WDFY3: variants seen among roughly 807,000 people sequenced by gnomAD.
WDFY3 encodes the protein WD repeat and FYVE domain containing 3.
WDFY3 carries 66 observed loss-of-function variants against 409.6 expected under a neutral mutation model. The observed-to-expected ratio is 0.16, with a 90% CI of 0.13 to 0.20. WDFY3 has a LOEUF of 0.20. WDFY3 is among the 10% of genes least tolerant of loss of function. The pLI, the probability that WDFY3 is intolerant of heterozygous loss-of-function variation, is 1.00. For synonymous variants in WDFY3, 1,521 were observed against 1,537.1 expected (o/e 0.99, Z 0.25); for missense variants, 3,031 against 4,298.1 (o/e 0.71, Z 8.24).
chr4:84,777,797 T>C (rs888341785), intron 27 of WDFY3, among the ~76,000 whole-genome samples: 9 of 152,074 alleles, frequency 5.9e-5, no homozygotes, highest in Non-Finnish European at 1.3e-4. Flanking sequence ...ATAAAGCCCA[T>C]AGATCCTACA....
chr4:84,719,121 A>G (rs1734432236), intron 47 of WDFY3, among the ~76,000 whole-genome samples: 1 of 152,150 alleles, frequency 6.6e-6, no homozygotes. Flanking sequence ...TAAGTGAGAT[A>G]ATGTACATAA....
intron 3 of WDFY3, among the ~76,000 whole-genome samples, chr4:84,865,845 A>G (rs1314831960): frequency 6.6e-6 from 1 of 152,166 alleles, no homozygotes; most frequent in Non-Finnish European, 1.5e-5. Flanking sequence ...CCAGGCAGGC[A>G]GATCCTTTAA....
rs569888787 is a variant in WDFY3, at chr4:84,762,899, C to T, written c.5188+2911G>A. ...GGCTGAGATGGGAGGACTGCTTGAG[C>T]CCAGGAGCTTAAGTCTAGCCTGGAC... On this transcript the variant is annotated intron_variant, in intron 32 of 67. Transcript: ENST00000295888. 2.3e-3 allele frequency among the ~76,000 whole-genome samples: 348 copies of T among 152,014 alleles called. 2 individuals are homozygous for T. Among genetic ancestry groups the T allele is most frequent in the African/African-American group, 8.2e-3 (340 of 41,462 alleles).
Position 84,780,242 on chromosome 4 carries a change from C to T in WDFY3, c.4231G>A (p.Ala1411Thr). The T allele has an allele frequency of 6.2e-7, 1 of 1,614,060 alleles. No individual in the cohort carries two copies. Among genetic ancestry groups the T allele is most frequent in the Non-Finnish European group, 8.5e-7 (1 of 1,179,956 alleles). ...GCCACCAGGCCCAGGATGGCTGCAG[C>T]TCCACCAACGTACTGCAAAGTAGTG... is the stretch of plus-strand genomic sequence containing the variant. Reference protein sequence around the residue: ...VATTLQYVGGAAAILGLVAMA... With the variant: ...VATTLQYVGGTAAILGLVAMA... The change falls in exon 26 of 68, where the codon GCT becomes ACT. Residue 1411 changes from alanine to threonine, a missense_variant. Coordinates refer to ENST00000295888, the MANE Select transcript of WDFY3 (RefSeq NM_014991.6).
chr4:84,858,508 A>T (rs1760082347), intron 4 of WDFY3, among the ~76,000 whole-genome samples: 1 of 152,210 alleles, frequency 6.6e-6, no homozygotes, highest in South Asian at 2.1e-4. Flanking sequence ...ACTCTAAAAG[A>T]ACTACTGCTT....
chr4:84,802,548 G>A (rs926577757), intron 16 of WDFY3, among the ~76,000 whole-genome samples: 8 of 152,096 alleles, frequency 5.3e-5, no homozygotes, highest in African/African-American at 1.7e-4. Context: ...GATTACAGGC[G>A]TGAGCCACCG....
chr4:84,865,431 A>G (rs1761246624), intron 3 of WDFY3, among the ~76,000 whole-genome samples: 1 of 152,234 alleles, frequency 6.6e-6, no homozygotes, highest in South Asian at 2.1e-4. Context: ...TTGTCCAATT[A>G]GAAACCTGCT....
intron 1 of WDFY3, among the ~76,000 whole-genome samples, chr4:84,946,867 C>T (rs1462319474): frequency 6.6e-6 from 1 of 151,264 alleles, no homozygotes; most frequent in Non-Finnish European, 1.5e-5. Flanking sequence ...AGTGCAGTGG[C>T]GTGATCTCCG....
chr4:84,868,753 C>T (rs1026834452), intron 3 of WDFY3, among the ~76,000 whole-genome samples: 4 of 152,186 alleles, frequency 2.6e-5, no homozygotes, highest in African/African-American at 9.7e-5. Flanking sequence ...ACAGCTCCCA[C>T]CGCTATCTTG....
chr4:84,766,113 T>C, intron 31 of WDFY3, 86 bp from the exon 32 acceptor site: 2 of 1,517,698 alleles, frequency 1.3e-6, no homozygotes, highest in East Asian at 2.3e-5. Flanking sequence ...AAAAGAAGAC[T>C]GAGTTTCATT....
intron 4 of WDFY3, among the ~76,000 whole-genome samples, chr4:84,856,507 T>C (rs1005165855): frequency 3.9e-5 from 6 of 152,188 alleles, no homozygotes; most frequent in African/African-American, 1.4e-4. Flanking sequence ...TATTCAGCTA[T>C]TTTCAGACTT....
At chr4:84,780,721 G>C (rs112945858) in intron 25 of WDFY3, among the ~76,000 whole-genome samples, 1 of 151,856 alleles carries the variant, frequency 6.6e-6, no homozygotes, top group Non-Finnish European at 1.5e-5. Flanking sequence ...CCGAGATCGC[G>C]CCACCGCACT....
chr4:84,958,980 T>A (rs1774578464), intron 1 of WDFY3, among the ~76,000 whole-genome samples: 1 of 152,214 alleles, frequency 6.6e-6, no homozygotes, highest in Non-Finnish European at 1.5e-5. Flanking sequence ...CACTGACAGT[T>A]ATAATAATAT....
rs952685763 is a variant in WDFY3, at chr4:84,749,214, T to C, written c.5973+2269A>G. Reference sequence around the variant, plus strand: ...CTAATTTTCTTCTTGAATCTCTTCATGGATAAAGACTTCATAATCATAATT... The same window carrying C: ...CTAATTTTCTTCTTGAATCTCTTCACGGATAAAGACTTCATAATCATAATT... On this transcript the variant is annotated intron_variant, in intron 36 of 67. Coordinates refer to ENST00000295888, the MANE Select transcript of WDFY3 (RefSeq NM_014991.6). Among the ~76,000 whole-genome samples, 12 of 152,184 alleles carry C rather than the reference T, an allele frequency of 7.9e-5. No individual in the cohort carries two copies. The East Asian group carries it at 1.2e-3, about 15-fold the overall frequency.
intron 8 of WDFY3, among the ~76,000 whole-genome samples, chr4:84,829,424 T>A (rs1755340249): frequency 6.6e-6 from 1 of 152,168 alleles, no homozygotes; most frequent in African/African-American, 2.4e-5. Context: ...ATAGTTGACA[T>A]GTATGTACCT....
At position 84,766,298 on chromosome 4, in the gene WDFY3, G is replaced by A. The variant is rs759913072; in HGVS notation, c.4924C>T (p.Leu1642=). 6.2e-7 allele frequency: 1 copy of A among 1,600,650 alleles called. No individual in the cohort carries two copies. Among genetic ancestry groups the A allele is most frequent in the East Asian group, 2.2e-5 (1 of 44,626 alleles). ...TCTTTAGATGTATAAATTAGTTTTA[G>A]CAAGATATCCAGAAGTCTGTTCCTC... ...LLRNRLLDIL[L]KLIYTSKEKT... is the part of the protein sequence containing the mutation. Residue 1642 remains leucine, a synonymous_variant, in exon 31 of 68, where the codon CTA becomes TTA. Transcript: ENST00000295888.
chr4:84,821,472 T>C lies in WDFY3; in HGVS notation c.1203A>G (p.Gln401=), dbSNP rs778518146. 2 of 1,613,852 alleles carry C rather than the reference T, an allele frequency of 1.2e-6. No homozygotes were observed. Among genetic ancestry groups the C allele is most frequent in the South Asian group, 2.2e-5 (2 of 91,076 alleles). ...FLKAKTSFLA[Q]IILDAITNIY... is the part of the protein sequence containing the mutation. ...TATTTGTGATAGCATCAAGGATGAT[T>C]TGGGCAAGGAAGCTGGTTTTTGCTT... The change falls in exon 11 of 68, where the codon CAA becomes CAG. Residue 401 remains glutamine (Q), a synonymous_variant. Coordinates refer to ENST00000295888, the MANE Select transcript of WDFY3 (RefSeq NM_014991.6).
chr4:84,698,988 C>T (rs1730617847), intron 56 of WDFY3, among the ~76,000 whole-genome samples: 1 of 152,108 alleles, frequency 6.6e-6, no homozygotes, highest in Admixed American at 6.5e-5. Flanking sequence ...GCGACCAGCC[C>T]CAAGTGTGTT....
intron 25 of WDFY3, among the ~76,000 whole-genome samples, chr4:84,781,106 C>T (rs1162476990): frequency 6.6e-6 from 1 of 152,034 alleles, no homozygotes; most frequent in Non-Finnish European, 1.5e-5. Context: ...CCAAGCAAAG[C>T]ACATTACTGA....
Sources: allele counts gnomAD v4.1 joint callset (sites outside exome capture counted in the v4.1 genomes callset), GRCh38; gene constraint gnomAD v4.1.1; transcripts MANE v1.5; gene names NCBI Gene and HGNC (gene_info 2026-07-23, HGNC 2026-07-21).